Variants in UROC1 observed in about 807,000 individuals in gnomAD.
UROC1 encodes the protein urocanate hydratase.
UROC1 carries 79 observed loss-of-function variants against 89.5 expected under a neutral mutation model. The observed-to-expected ratio is 0.88, with a 90% CI of 0.74 to 1.06. The LOEUF is 1.06. UROC1 is among the 50% of genes least tolerant of loss of function. The pLI is 0.00. For synonymous variants in UROC1, 361 were observed against 354.8 expected (o/e 1.02, Z -0.20); for missense variants, 885 against 907.8 (o/e 0.97, Z 0.32).
intron 2 of UROC1, 138 bp from the exon 3 acceptor site, chr3:126,509,816 G>C (rs1463370446): frequency 1.2e-6 from 1 of 840,846 alleles, no homozygotes; most frequent in Admixed American, 2.0e-5. Context: ...ACGTACAGTG[G>C]GGGCTCCAGA....
At chr3:126,514,149 G>A (rs188743654) in intron 1 of UROC1, among the ~76,000 whole-genome samples, 7 of 152,370 alleles carry the variant, frequency 4.6e-5, no homozygotes, top group African/African-American at 1.2e-4. Flanking sequence ...AGGGCTCCTA[G>A]TACAACTCTT....
chr3:126,504,104 G>T, intron 8 of UROC1, 21 bp from the exon 9 acceptor site: 1 of 1,611,246 alleles, frequency 6.2e-7, no homozygotes, highest in Middle Eastern at 1.7e-4. Context: ...GAGACATGGG[G>T]CCACGAGACA....
chr3:126,517,524 G>A, intron 1 of UROC1, 70 bp downstream of exon 1: 1 of 1,611,034 alleles, frequency 6.2e-7, no homozygotes, highest in Non-Finnish European at 8.5e-7. Context: ...AGGAAGCCTG[G>A]GTGCTCACTA....
rs756490129 is a variant in UROC1 at position 126,510,810 on chromosome 3, G to A, written c.127-16C>T. On this transcript the variant is annotated splice_polypyrimidine_tract_variant and intron_variant, in intron 1 of 19. Coordinates refer to ENST00000290868, the MANE Select transcript of UROC1 (RefSeq NM_144639.3). ...TCAGCGCCAGCTGGGGTAGGAGAGC[G>A]GAGAGGCAGTCGGGGCTGGGACTCC... The A allele has an allele frequency of 3.0e-5, 49 of 1,610,934 alleles. No individual in the cohort carries two copies. The highest frequency in any genetic ancestry group is 5.5e-5 in the South Asian group (5 of 91,064).
At chr3:126,514,130 A>G (rs1206889589) in intron 1 of UROC1, among the ~76,000 whole-genome samples, 1 of 152,158 alleles carries the variant, frequency 6.6e-6, no homozygotes, top group African/African-American at 2.4e-5. Context: ...ATCTTATGGG[A>G]TGTTAGTTAG....
chr3:126,489,844 T>C (rs983835000), intron 16 of UROC1, among the ~76,000 whole-genome samples: 1 of 152,234 alleles, frequency 6.6e-6, no homozygotes, highest in Non-Finnish European at 1.5e-5. Context: ...ATGTATTCAT[T>C]TGGACGCAAC....
intron 2 of UROC1, among the ~76,000 whole-genome samples, chr3:126,510,375 A>G (rs902670508): frequency 3.9e-5 from 6 of 152,234 alleles, no homozygotes; most frequent in Admixed American, 1.3e-4. Context: ...GGTTTTGTAT[A>G]CAATTTGTCT....
intron 1 of UROC1, among the ~76,000 whole-genome samples, chr3:126,514,453 C>T (rs972223675): frequency 1.3e-5 from 2 of 152,124 alleles, no homozygotes; most frequent in South Asian, 2.1e-4. Flanking sequence ...AGAGCTGTGT[C>T]GGGCGCATGC....
chr3:126,512,743 T>A (rs1936222694), intron 1 of UROC1, among the ~76,000 whole-genome samples: 1 of 152,144 alleles, frequency 6.6e-6, no homozygotes, highest in Non-Finnish European at 1.5e-5. Context: ...TATGTATATA[T>A]ATAATGAACT....
Position 126,496,119 on chromosome 3 carries a change from G to A in UROC1, c.1439-11C>T. On this transcript the variant is annotated splice_polypyrimidine_tract_variant and intron_variant, in intron 14 of 19. Transcript: ENST00000290868. ...TCACAGACACCTTCACTGCAGGAGA[G>A]AGGACAGCAGGCGTCAGAGACCCTC... The A allele has an allele frequency of 6.2e-7, 1 of 1,611,916 alleles. No homozygotes were observed. The highest frequency in any genetic ancestry group is 8.5e-7 in the Non-Finnish European group (1 of 1,179,446).
chr3:126,513,095 A>G (rs1405025037), intron 1 of UROC1, among the ~76,000 whole-genome samples: 1 of 151,990 alleles, frequency 6.6e-6, no homozygotes, highest in Non-Finnish European at 1.5e-5. Flanking sequence ...ACCGAAATGA[A>G]GGGATGCCAG....
At chr3:126,486,975 T>G (rs1935533874) in intron 18 of UROC1, among the ~76,000 whole-genome samples, 1 of 152,220 alleles carries the variant, frequency 6.6e-6, no homozygotes, top group Non-Finnish European at 1.5e-5. Context: ...GTAAAAGGTT[T>G]TAGGTCCCAG....
Position 126,483,452 on chromosome 3 carries a change from C to A in UROC1, c.1807G>T (p.Gly603Trp), listed in dbSNP as rs145069129. ...GGVGWGEVIN[G>W]GFGLVLDGTP... The stretch of plus-strand genomic sequence containing the variant: ...CCGTCCAGCACGAGGCCGAATCCCC[C>A]GTTGATCACCTCACCCCTGCAGGAG... The change falls in exon 19 of 20, where the codon GGG becomes TGG. Residue 603 changes from glycine to tryptophan, a missense_variant. Gly to Trp is a radical substitution (Grantham distance 184). Transcript: ENST00000290868. The A allele has an allele frequency of 1.7e-5, 27 of 1,613,894 alleles. No individual in the cohort carries two copies. Among genetic ancestry groups the A allele is most frequent in the Non-Finnish European group, 2.3e-5 (27 of 1,180,040 alleles).
At position 126,482,479 on chromosome 3, in the gene UROC1, G is replaced by T. The variant is rs776940528; in HGVS notation, c.1897C>A (p.Arg633=). ...TTCTGGTTCCCTGACCAGCAGCGCC[G>T]GGCCACCTAGGGCAAGGAGGGGGAT... ...LSWDVSNGVA[R]RCWSGNQKAY... The change falls in exon 20 of 20, where the codon CGG becomes AGG. Residue 633 remains arginine (R), a synonymous_variant. Transcript: ENST00000290868. 2.5e-6 allele frequency: 4 copies of T among 1,613,824 alleles called. No homozygotes were observed. The Admixed American group carries it at 6.7e-5, about 27-fold the overall frequency.
chr3:126,508,429 C>T lies in UROC1; in HGVS notation c.398G>A (p.Ser133Asn). ...VTYGGNGQVFSNWAQFWLTMF... is the reference protein window; with the variant it reads ...VTYGGNGQVFNNWAQFWLTMF... ...GGTGTGCAGTACCTGAGCCCAGTTG[C>T]TGAACACCTGCCCATTTCCTCCATA... is the stretch of plus-strand genomic sequence containing the variant. Residue 133 changes from serine (S) to asparagine (N), a missense_variant, in exon 4 of 20, where the codon AGC (serine) becomes AAC (asparagine). Ser to Asn is a conservative substitution (Grantham distance 46, BLOSUM62 1). Transcript: ENST00000290868. 6.2e-7 allele frequency: 1 copy of T among 1,613,982 alleles called. No homozygotes were observed. The highest frequency in any genetic ancestry group is 2.2e-5 in the East Asian group (1 of 44,856).
chr3:126,489,263 T>G lies in UROC1; in HGVS notation c.1708+13A>C. The G allele has an allele frequency of 6.2e-7, 1 of 1,604,096 alleles. No individual in the cohort carries two copies. Among genetic ancestry groups the G allele is most frequent in the Non-Finnish European group, 8.5e-7 (1 of 1,171,268 alleles). On this transcript the variant is annotated intron_variant, in intron 17 of 19. Coordinates refer to ENST00000290868, the MANE Select transcript of UROC1 (RefSeq NM_144639.3). ...TCTAAGATGAAAGTTTAAGACATTC[T>G]CATCTTCCTCACCTGCACAGAAGGC...
At chr3:126,496,257 C>T in intron 14 of UROC1, 149 bp from the exon 15 acceptor site, 1 of 732,462 alleles carries the variant, frequency 1.4e-6, no homozygotes, top group Non-Finnish European at 2.4e-6. Context: ...CCCACCCCTG[C>T]CTTTGTGAAC....
At chr3:126,490,867 C>G (rs1935634632) in intron 16 of UROC1, among the ~76,000 whole-genome samples, 3 of 152,290 alleles carry the variant, frequency 2.0e-5, no homozygotes, top group South Asian at 4.1e-4. Context: ...TGCAGTGCAC[C>G]TGGGGAGCAG....
At chr3:126,483,308 A>T in intron 19 of UROC1, 61 bp downstream of exon 19, 2 of 1,492,920 alleles carry the variant, frequency 1.3e-6, no homozygotes, top group Non-Finnish European at 1.9e-6. Flanking sequence ...GCAAACGTGG[A>T]TGGGGATCAC....
Sources: allele counts gnomAD v4.1 joint callset (sites outside exome capture counted in the v4.1 genomes callset), GRCh38; gene constraint gnomAD v4.1.1; transcripts MANE v1.5; gene names NCBI Gene and HGNC (gene_info 2026-07-23, HGNC 2026-07-21).